Variants in ZNF43 observed in about 807,000 individuals in gnomAD.
ZNF43 encodes the protein zinc finger protein 43.
In ZNF43, 44 loss-of-function variants were observed where a neutral mutation model predicts 68.4. That is an observed-to-expected ratio of 0.64 (90% CI 0.51 to 0.83). The LOEUF (loss-of-function observed/expected upper bound fraction) is 0.83. Among genes scored for constraint, ZNF43 ranks in the 40% least tolerant of loss-of-function variants. The pLI is 0.00. For missense variants in ZNF43, 896 were observed against 933.2 expected, an observed-to-expected ratio of 0.96 and a Z score of 0.52; for synonymous variants, 308 against 307.8, an observed-to-expected ratio of 1.00 and a Z score of -0.01.
At chr19:21,842,934 T>C (rs1599543448) in intron 1 of ZNF43, among the ~76,000 whole-genome samples, 1 of 152,068 alleles carries the variant, frequency 6.6e-6, no homozygotes, top group Non-Finnish European at 1.5e-5. Flanking sequence ...TGAGATCATG[T>C]AGGTGCTTGG....
intron 1 of ZNF43, chr19:21,841,572 G>A (rs1967535948): frequency 6.6e-6 from 1 of 152,236 alleles, no homozygotes; most frequent in Non-Finnish European, 1.5e-5. Flanking sequence ...TGGAAGAGGA[G>A]AGTCACACCT....
intron 3 of ZNF43, chr19:21,812,056 C>T (rs939831181): frequency 2.5e-6 from 1 of 398,398 alleles, no homozygotes; most frequent in Non-Finnish European, 4.4e-6. Flanking sequence ...GACAATGCCT[C>T]CTAGAAAATG....
chr19:21,813,008 C>T (rs897244277), intron 3 of ZNF43, among the ~76,000 whole-genome samples: 1 of 151,240 alleles, frequency 6.6e-6, no homozygotes, highest in Middle Eastern at 3.4e-3. Flanking sequence ...ACAAGGAGGC[C>T]GAGGTGGGCA....
intron 1 of ZNF43, among the ~76,000 whole-genome samples, chr19:21,831,348 T>A (rs542057859): frequency 9.4e-5 from 14 of 149,210 alleles, no homozygotes; most frequent in African/African-American, 2.2e-4. Flanking sequence ...CAGCAGAAAA[T>A]TTTTTTTTTT....
upstream of ZNF43, among the ~76,000 whole-genome samples, chr19:21,839,172 G>A (rs932745724): frequency 6.6e-6 from 1 of 151,596 alleles, no homozygotes; most frequent in Non-Finnish European, 1.5e-5. Flanking sequence ...CTTTGTAGCA[G>A]GTTCTAGTCA....
rs924804514 is a variant in ZNF43, at chr19:21,836,113, C to T, written c.-75G>A. ...CCCGCAGGTCACAGAGCCACAGAGG[C>T]TGGACCTCTAGCAGCAGAGGACACA... On this transcript the variant is annotated 5_prime_UTR_variant, in exon 1 of 4. Coordinates refer to ENST00000354959, the MANE Select transcript of ZNF43 (RefSeq NM_003423.4). 5 of 1,610,270 alleles carry T rather than the reference C, an allele frequency of 3.1e-6. No homozygotes were observed. Among genetic ancestry groups the T allele is most frequent in the Non-Finnish European group, 3.4e-6 (4 of 1,177,650 alleles).
chr19:21,829,139 G>C (rs866798057), intron 1 of ZNF43, among the ~76,000 whole-genome samples: 1 of 148,486 alleles, frequency 6.7e-6, no homozygotes, highest in Non-Finnish European at 1.5e-5. Context: ...CAGGAGAATC[G>C]CTTGAACCCA....
Position 21,809,060 on chromosome 19 carries a change from G to A in ZNF43, c.977C>T (p.Pro326Leu), listed in dbSNP as rs1194502095. ...CEECGKAFNW[P>L]STLTKHKRIH... The stretch of plus-strand genomic sequence containing the variant: ...TCTCTTATGTTTAGTAAGAGTTGAG[G>A]GCCAGTTAAAGGCTTTGCCACATTC... The change falls in exon 4 of 4, where the codon CCC becomes CTC. Residue 326 changes from proline to leucine, a missense_variant. Pro to Leu is a moderately conservative substitution (Grantham distance 98). Coordinates refer to ENST00000354959, the MANE Select transcript of ZNF43 (RefSeq NM_003423.4). 6.2e-7 allele frequency: 1 copy of A among 1,612,562 alleles called. No individual in the cohort carries two copies. The highest frequency in any genetic ancestry group is 8.5e-7 in the Non-Finnish European group (1 of 1,179,534).
chr19:21,810,823 G>A (rs1424296679), intron 3 of ZNF43, among the ~76,000 whole-genome samples: 1 of 152,062 alleles, frequency 6.6e-6, no homozygotes, highest in Non-Finnish European at 1.5e-5. Flanking sequence ...GGTAGTGCAT[G>A]TCTGTACACC....
rs1191786253 is a variant in ZNF43, at chr19:21,805,280, A to G, written c.*2327T>C. The G allele has an allele frequency of 1.3e-5, 2 of 152,230 alleles. No individual in the cohort carries two copies. The highest frequency in any genetic ancestry group is 2.9e-5 in the Non-Finnish European group (2 of 68,080). 9.4% of individuals were successfully genotyped at this position (152,230 alleles called of 1,614,324 possible). ...GAAGATCGAGACCATCCTGGCCAAC[A>G]TGGTGAAACTCCATCTCTACTAAAA... On this transcript the variant is annotated 3_prime_UTR_variant, in exon 4 of 4. Coordinates refer to ENST00000354959, the MANE Select transcript of ZNF43 (RefSeq NM_003423.4).
At chr19:21,815,331 T>A (rs998821943) in intron 3 of ZNF43, among the ~76,000 whole-genome samples, 1 of 151,996 alleles carries the variant, frequency 6.6e-6, no homozygotes, top group Admixed American at 6.6e-5. Flanking sequence ...AAATGCAGTA[T>A]AATCATAAAT....
In ZNF43 at chr19:21,807,993, C is replaced by G. The variant is rs954097648; in HGVS notation, c.2044G>C (p.Glu682Gln). The G allele has an allele frequency of 6.2e-7, 1 of 1,612,524 alleles. No individual in the cohort carries two copies. Among genetic ancestry groups the G allele is most frequent in the Non-Finnish European group, 8.5e-7 (1 of 1,179,808 alleles). ...GACAGTTTAAAAGCTTTGCCACATT[C>G]TTCACATTTGTAGGGTTTCTCTCCA... The part of the protein sequence containing the change: ...HTGEKPYKCE[E>Q]CGKAFKLSST... The change falls in exon 4 of 4, where the codon GAA (glutamate) becomes CAA (glutamine). Residue 682 changes from glutamate to glutamine, a missense_variant. Physicochemically the swap from Glu to Gln is conservative, Grantham distance 29. Transcript: ENST00000354959.
chr19:21,813,826 A>T (rs1203574051), intron 3 of ZNF43, among the ~76,000 whole-genome samples: 1 of 152,052 alleles, frequency 6.6e-6, no homozygotes, highest in African/African-American at 2.4e-5. Context: ...ACAGTGGCAC[A>T]ATTATGGCTC....
In ZNF43 at chr19:21,806,751, C is replaced by T. The variant is rs2036961502; in HGVS notation, c.*856G>A. 6.6e-6 allele frequency: 1 copy of T among 151,960 alleles called. No individual in the cohort carries two copies. The highest frequency in any genetic ancestry group is 2.4e-5 in the African/African-American group (1 of 41,388). The allele number at this position is 151,960 out of a possible 1,614,324, so 9.4% of individuals were successfully genotyped here. On this transcript the variant is annotated 3_prime_UTR_variant, in exon 4 of 4. Coordinates refer to ENST00000354959, the MANE Select transcript of ZNF43 (RefSeq NM_003423.4). ...TAATGTTATATACAAATAATTTATC[C>T]ACCAAGTTTTATTTTGTGTTGTTTT...
chr19:21,842,456 G>A (rs1405521213), intron 1 of ZNF43, among the ~76,000 whole-genome samples: 1 of 150,940 alleles, frequency 6.6e-6, no homozygotes, highest in Non-Finnish European at 1.5e-5. Flanking sequence ...CCCGCCTTGG[G>A]CAGAAACCAA....
chr19:21,830,663 G>A, intron 1 of ZNF43, among the ~76,000 whole-genome samples: 1 of 139,350 alleles, frequency 7.2e-6, no homozygotes, highest in Admixed American at 7.2e-5. Flanking sequence ...ATTCACAAAA[G>A]AATTCTACCA....
chr19:21,851,415 A>C (rs1292818090), intron 1 of ZNF43: 1 of 151,988 alleles, frequency 6.6e-6, no homozygotes, highest in African/African-American at 2.4e-5. Context: ...GGTGGTGCGC[A>C]CCTGTAATCC....
chr19:21,830,590 C>A, intron 1 of ZNF43, among the ~76,000 whole-genome samples: 2 of 136,270 alleles, frequency 1.5e-5, no homozygotes, highest in African/African-American at 2.8e-5. Flanking sequence ...AAGAGACCAA[C>A]AAGATTCAAA....
At chr19:21,831,514 C>A (rs1416439052) in intron 1 of ZNF43, among the ~76,000 whole-genome samples, 2 of 152,158 alleles carry the variant, frequency 1.3e-5, no homozygotes, top group Non-Finnish European at 1.5e-5. Flanking sequence ...AGCCACACAA[C>A]AACGCCTAGC....
Sources: gnomAD v4.1 joint callset for allele counts (sites outside exome capture counted in the v4.1 genomes callset) on GRCh38, gnomAD v4.1.1 for gene constraint, MANE v1.5 for transcripts, NCBI Gene and HGNC (gene_info 2026-07-23, HGNC 2026-07-21) for gene names.